Variants in MTFR2 observed in about 807,000 individuals in gnomAD.
MTFR2 encodes the protein DUF729 domain-containing protein 1.
In MTFR2, 44 loss-of-function variants were observed where a neutral mutation model predicts 41.2. The ratio of observed to expected loss-of-function variants is 1.07; its 90% CI spans 0.84 to 1.37. The LOEUF (loss-of-function observed/expected upper bound fraction) is 1.37. Among genes scored for constraint, MTFR2 ranks in the 40% most tolerant of loss-of-function variants. The pLI is 0.00. For synonymous variants in MTFR2, 141 were observed against 154.6 expected (o/e 0.91, Z 0.65); for missense variants, 452 against 459.5 (o/e 0.98, Z 0.15).
intron 6 of MTFR2, among the ~76,000 whole-genome samples, chr6:136,236,489 A>G (rs1337272725): frequency 6.6e-6 from 1 of 152,238 alleles, no homozygotes; most frequent in Non-Finnish European, 1.5e-5. Flanking sequence ...GGGGGACAGG[A>G]GGCAGAGGCT....
rs541755696 is a variant in MTFR2, at chr6:136,244,850, T to A, written c.83A>T (p.Asn28Ile). 2 of 1,610,340 alleles carry A rather than the reference T, an allele frequency of 1.2e-6. No homozygotes were observed. Among genetic ancestry groups the A allele is most frequent in the East Asian group, 4.5e-5 (2 of 44,672 alleles). The change falls in exon 3 of 8, where the codon AAT becomes ATT. Residue 28 changes from asparagine to isoleucine, a missense_variant. Asn to Ile is a moderately radical substitution (Grantham distance 149, BLOSUM62 -3). Coordinates refer to ENST00000420702, the MANE Select transcript of MTFR2 (RefSeq NM_001099286.3). ...ACTCCTAGTTGATCCATAGTCTTTATTTTCCCAAATCAGCAAAACCTATTT... is the reference window on the plus strand; with the variant it reads ...ACTCCTAGTTGATCCATAGTCTTTAATTTCCCAAATCAGCAAAACCTATTT... Reference protein sequence around the residue: ...PVEQVLLIWENKDYGSTRSIV... With the variant: ...PVEQVLLIWEIKDYGSTRSIV...
chr6:136,249,238 A>G, intron 1 of MTFR2, 85 bp from the exon 2 acceptor site: 1 of 566,112 alleles, frequency 1.8e-6, no homozygotes, highest in Non-Finnish European at 3.0e-6. Context: ...CTCTTGATAC[A>G]CGACACAGTC....
At chr6:136,245,062 C>T (rs1340186692) in intron 2 of MTFR2, among the ~76,000 whole-genome samples, 193 bp from the exon 3 acceptor site, 1 of 151,644 alleles carries the variant, frequency 6.6e-6, no homozygotes, top group East Asian at 1.9e-4. Flanking sequence ...AAGAATAGAA[C>T]TTTGTGAGTA....
Position 136,231,036 on chromosome 6 carries a change from C to A in MTFR2, c.*239G>T. 1 of 329,834 alleles carries A rather than the reference C, an allele frequency of 3.0e-6. No homozygotes were observed. Among genetic ancestry groups the A allele is most frequent in the East Asian group, 5.0e-5 (1 of 19,882 alleles). The allele number at this position is 329,834 out of a possible 1,614,324, so 20.4% of individuals were successfully genotyped here. ...GGTTGCTACAAAACACAAGCAAGTT[C>A]AAAAAGAATGTTTATTTTAAGCTCT... On this transcript the variant is annotated 3_prime_UTR_variant, in exon 8 of 8. Coordinates refer to ENST00000420702, the MANE Select transcript of MTFR2 (RefSeq NM_001099286.3).
At chr6:136,241,010 G>T (rs1055972963) in intron 5 of MTFR2, among the ~76,000 whole-genome samples, 6 of 150,886 alleles carry the variant, frequency 4.0e-5, no homozygotes, top group Non-Finnish European at 5.9e-5. Context: ...AGAATGGCGT[G>T]AACCCGGGAG....
rs758460845 is a variant in MTFR2, at chr6:136,239,777, C to T, written c.558G>A (p.Leu186=). Reference sequence around the variant, plus strand: ...TCAGATGGGCAGCCCGCGATGATGACAGCTGACCCAAACTAATGCGCTCGT... The same window carrying T: ...TCAGATGGGCAGCCCGCGATGATGATAGCTGACCCAAACTAATGCGCTCGT... ...LSDERISLGQ[L]SSSRAAHLSV... Residue 186 remains leucine, a synonymous_variant, in exon 6 of 8, where the codon CTG becomes CTA. Transcript: ENST00000420702. The T allele has an allele frequency of 5.0e-6, 8 of 1,613,808 alleles. No homozygotes were observed. Among genetic ancestry groups the T allele is most frequent in the African/African-American group, 1.3e-5 (1 of 75,030 alleles).
chr6:136,237,491 T>C (rs1385714138), intron 6 of MTFR2, among the ~76,000 whole-genome samples: 1 of 151,978 alleles, frequency 6.6e-6, no homozygotes, highest in Non-Finnish European at 1.5e-5. Context: ...CAAGAAGCAT[T>C]TGAAGAAAAA....
At chr6:136,246,917 G>A (rs997169857) in intron 2 of MTFR2, among the ~76,000 whole-genome samples, 1 of 152,176 alleles carries the variant, frequency 6.6e-6, no homozygotes, top group South Asian at 2.1e-4. Context: ...GCCCAGAGCA[G>A]TCTCCAATCT....
rs1044754586 is a variant in MTFR2 at position 136,232,915 on chromosome 6, T to C, written c.1044+410A>G. On this transcript the variant is annotated intron_variant, in intron 7 of 7. Transcript: ENST00000420702. ...AGAGTTAACATTATATTCAACAAAA[T>C]ATCCAAAGTCTGTATATTTGACAGA... Among the ~76,000 whole-genome samples, 3 of 152,288 alleles carry C rather than the reference T, an allele frequency of 2.0e-5. No homozygotes were observed. In the South Asian group the frequency reaches 6.2e-4, roughly 32 times the overall value.
At chr6:136,245,692 G>A (rs901415036) in intron 2 of MTFR2, among the ~76,000 whole-genome samples, 1 of 152,132 alleles carries the variant, frequency 6.6e-6, no homozygotes, top group Non-Finnish European at 1.5e-5. Flanking sequence ...GTGCACCTGC[G>A]TTTTGATTGT....
Position 136,249,018 on chromosome 6 carries a change from A to G in MTFR2, c.63+19T>C, listed in dbSNP as rs1156479713. ...AGAACAAATACAACAGATCCATTCC[A>G]ATCCAAAACGACATTTACCTGTTCT... On this transcript the variant is annotated intron_variant, in intron 2 of 7. Transcript: ENST00000420702. 24 of 1,592,288 alleles carry G rather than the reference A, an allele frequency of 1.5e-5. No homozygotes were observed. Among genetic ancestry groups the G allele is most frequent in the Non-Finnish European group, 1.9e-5 (22 of 1,171,074 alleles).
In MTFR2 at chr6:136,241,668, A is replaced by G. The variant is rs367891434; in HGVS notation, c.290T>C (p.Ile97Thr). The change falls in exon 5 of 8, where the codon ATA becomes ACA. Residue 97 changes from isoleucine to threonine, a missense_variant. Coordinates refer to ENST00000420702, the MANE Select transcript of MTFR2 (RefSeq NM_001099286.3). ...CACTTTCTCTTCTTCATTTTTCCAT[A>G]TACTATTTCTGTGGGTGAAAAAAAA... ...EASYLRFRNSIWKNEEEKVEI... is the reference protein window; with the variant it reads ...EASYLRFRNSTWKNEEEKVEI... 51 of 1,607,392 alleles carry G rather than the reference A, an allele frequency of 3.2e-5. No homozygotes were observed. Among genetic ancestry groups the G allele is most frequent in the Non-Finnish European group, 4.1e-5 (48 of 1,177,958 alleles).
intron 6 of MTFR2, among the ~76,000 whole-genome samples, chr6:136,233,842 A>T (rs1325971883): frequency 6.6e-6 from 1 of 151,298 alleles, no homozygotes; most frequent in Admixed American, 6.6e-5. Flanking sequence ...AAAGGACGAG[A>T]GTTCATGCCA....
chr6:136,244,365 A>G (rs906654844), intron 3 of MTFR2, among the ~76,000 whole-genome samples: 1 of 152,190 alleles, frequency 6.6e-6, no homozygotes, highest in African/African-American at 2.4e-5. Flanking sequence ...ACACACAAAC[A>G]CTTACCATTG....
At chr6:136,240,812 C>T (rs1048855559) in intron 5 of MTFR2, among the ~76,000 whole-genome samples, 1 of 152,180 alleles carries the variant, frequency 6.6e-6, no homozygotes, top group Non-Finnish European at 1.5e-5. Context: ...TTACTGAGGG[C>T]CGGGCGCGGT....
chr6:136,244,894 T>C, intron 2 of MTFR2, 25 bp from the exon 3 acceptor site: 1 of 1,485,874 alleles, frequency 6.7e-7, no homozygotes, highest in Non-Finnish European at 9.3e-7. Flanking sequence ...AAGTATGAAT[T>C]AAAATGCACT....
chr6:136,244,202 T>C (rs1780156410), intron 3 of MTFR2, among the ~76,000 whole-genome samples: 1 of 152,226 alleles, frequency 6.6e-6, no homozygotes, highest in African/African-American at 2.4e-5. Flanking sequence ...TACAGTAGTG[T>C]ACAGTAATGT....
At position 136,231,249 on chromosome 6, in the gene MTFR2, G is replaced by C. The variant is rs1779745076; in HGVS notation, c.*26C>G. ...TATCATCCAGGAAGAAGTTTTGGAA[G>C]TTTAAAGCTCAACCTTAAGTTGAGT... On this transcript the variant is annotated 3_prime_UTR_variant, in exon 8 of 8. Coordinates refer to ENST00000420702, the MANE Select transcript of MTFR2 (RefSeq NM_001099286.3). The C allele has an allele frequency of 6.9e-7, 1 of 1,451,192 alleles. No individual in the cohort carries two copies. The highest frequency in any genetic ancestry group is 9.6e-7 in the Non-Finnish European group (1 of 1,041,436). The allele number at this position is 1,451,192 out of a possible 1,614,324, so 89.9% of individuals were successfully genotyped here. A position where few individuals can be genotyped will look rare whatever the true frequency, so the allele number is the denominator to read the frequency against.
In MTFR2 at chr6:136,242,093, A is replaced by C. The variant is rs867954487; in HGVS notation, c.282-417T>G. 6.4e-3 allele frequency among the ~76,000 whole-genome samples: 964 copies of C among 150,048 alleles called. 9 individuals are homozygous for C. The highest frequency in any genetic ancestry group is 0.022 in the African/African-American group (888 of 40,982). On this transcript the variant is annotated intron_variant, in intron 4 of 7. Coordinates refer to ENST00000420702, the MANE Select transcript of MTFR2 (RefSeq NM_001099286.3). ...AGACTCTGTCTCAAAAAAAAAAAAAAAAAAAAAAAAAAAAACCTACTCTCT... is the reference window on the plus strand; with the variant it reads ...AGACTCTGTCTCAAAAAAAAAAAAACAAAAAAAAAAAAAAACCTACTCTCT...
Sources: gnomAD v4.1 joint callset for allele counts (sites outside exome capture counted in the v4.1 genomes callset) on GRCh38, gnomAD v4.1.1 for gene constraint, MANE v1.5 for transcripts, NCBI Gene and HGNC (gene_info 2026-07-23, HGNC 2026-07-21) for gene names.